TPSG1: variants seen among roughly 807,000 people sequenced by gnomAD.
TPSG1 encodes tryptase gamma.
In TPSG1, 43 loss-of-function variants were observed where a neutral mutation model predicts 23.8. The ratio of observed to expected loss-of-function variants is 1.81; its 90% CI spans 1.42 to 2.33. The LOEUF is 2.33. Among genes scored for constraint, TPSG1 ranks in the 30% most tolerant of loss-of-function variants. TPSG1 has a pLI of 0.00. For missense variants in TPSG1, 623 were observed against 438.6 expected, an observed-to-expected ratio of 1.42 and a Z score of -3.75; for synonymous variants, 302 against 201.3, an observed-to-expected ratio of 1.50 and a Z score of -4.23.
rs749237776 is a variant in TPSG1, at chr16:1,222,915, G to A, written c.248C>T (p.Ser83Phe). 7 of 1,593,924 alleles carry A rather than the reference G, an allele frequency of 4.4e-6. 1 individual carries two copies. The highest frequency in any genetic ancestry group is 2.2e-5 in the South Asian group (2 of 89,360). Reference sequence around the variant, plus strand: ...CACCTGGTAGTCGGATGAGTTCAGGGACCTGGGAGGGAAGGTGGCTGGGTG... The same window carrying A: ...CACCTGGTAGTCGGATGAGTTCAGGAACCTGGGAGGGAAGGTGGCTGGGTG... ...VLTAAHCFSG[S>F]LNSSDYQVHL... The change falls in exon 4 of 6, where the codon TCC (serine) becomes TTC (phenylalanine). Residue 83 changes from serine to phenylalanine, a missense_variant and splice_region_variant. Transcript: ENST00000234798.
chr16:1,223,858 G>C (rs2030003392), intron 2 of TPSG1: 1 of 507,426 alleles, frequency 2.0e-6, no homozygotes, highest in Non-Finnish European at 3.4e-6. Context: ...CGGTGGAAAG[G>C]CTGCAGAGGG....
At chr16:1,222,154 C>T in intron 5 of TPSG1, 42 bp downstream of exon 5, 1 of 1,611,540 alleles carries the variant, frequency 6.2e-7, no homozygotes, top group Non-Finnish European at 8.5e-7. Context: ...CCTCCCTGGG[C>T]TTCAGCCGCC....
rs764072304 is a variant in TPSG1, at chr16:1,223,524, T to C, written c.144A>G (p.Ala48=). 1.3e-5 allele frequency: 20 copies of C among 1,553,086 alleles called. No homozygotes were observed. In the South Asian group the frequency reaches 2.0e-4, roughly 16 times the overall value. The stretch of plus-strand genomic sequence containing the variant: ...GGCGGAGGCTGGCCTGCCATGGCCA[T>C]GCGCCGGCCGGGGCAGCGTGACCCC... ...IVGGHAAPAG[A]WPWQASLRLR... The change falls in exon 3 of 6, where the codon GCA becomes GCG. Residue 48 remains alanine, a synonymous_variant. Transcript: ENST00000234798.
intron 1 of TPSG1, among the ~76,000 whole-genome samples, chr16:1,224,928 C>T (rs1436176034): frequency 1.3e-5 from 2 of 152,134 alleles, no homozygotes; most frequent in African/African-American, 2.4e-5. Flanking sequence ...GCCTGGGACT[C>T]CTGGCACCCC....
In TPSG1 at chr16:1,222,079, A is replaced by AG. The variant is rs1301545101; in HGVS notation, c.674dup (p.Leu226SerfsTer19). ...AGGCACCGTTCACCTGGCAGACCAG[A>AG]GGCCCCCCGGAGTCGTCCTGAGGAC... On this transcript the variant is annotated frameshift_variant, in exon 6 of 6. Transcript: ENST00000234798. LOFTEE classifies it low-confidence loss of function (END_TRUNC). 6.2e-7 allele frequency: 1 copy of AG among 1,612,680 alleles called. No homozygotes were observed. Among genetic ancestry groups the AG allele is most frequent in the East Asian group, 2.2e-5 (1 of 44,882 alleles).
At position 1,221,846 on chromosome 16, in the gene TPSG1, A is replaced by G; in HGVS notation, c.908T>C (p.Leu303Pro). 3 of 1,611,964 alleles carry G rather than the reference A, an allele frequency of 1.9e-6. No individual in the cohort carries two copies. The highest frequency in any genetic ancestry group is 2.5e-6 in the Non-Finnish European group (3 of 1,179,572). The change falls in exon 6 of 6, where the codon CTG (leucine) becomes CCG (proline). Residue 303 changes from leucine to proline, a missense_variant. Coordinates refer to ENST00000234798, the MANE Select transcript of TPSG1 (RefSeq NM_012467.4). ...AGATGGGTGCAGCAGGCACTTGGCC[A>G]GCAGGACACAGGAGACTAGCAGAAG... The part of the protein sequence containing the change: ...LFLLLVSCVL[L>P]AKCLLHPSAD...
Position 1,222,854 on chromosome 16 carries a change from G to T in TPSG1, c.309C>A (p.His103Gln), listed in dbSNP as rs1436375901. The change falls in exon 4 of 6, where the codon CAC becomes CAA. Residue 103 changes from histidine (H) to glutamine (Q), a missense_variant. His to Gln is a conservative substitution (Grantham distance 24). Transcript: ENST00000234798. ...GGATGATCTGCCTCACGGTGGAGAA[G>T]TGGGGAGACAGAGTGATCTCCAGTT... is the stretch of plus-strand genomic sequence containing the variant. ...LGELEITLSP[H>Q]FSTVRQIILH... 2 of 1,611,116 alleles carry T rather than the reference G, an allele frequency of 1.2e-6. No individual in the cohort carries two copies. The highest frequency in any genetic ancestry group is 1.7e-6 in the Non-Finnish European group (2 of 1,179,386).
At chr16:1,224,757 C>A in intron 1 of TPSG1, 129 bp from the exon 2 acceptor site, 1 of 1,167,048 alleles carries the variant, frequency 8.6e-7, no homozygotes, top group Non-Finnish European at 1.2e-6. Context: ...AGGGGCCCGG[C>A]CTGGTGAGGC....
chr16:1,223,831 A>C (rs930841716), intron 2 of TPSG1: 160 of 501,808 alleles, frequency 3.2e-4, no homozygotes, highest in East Asian at 7.5e-4. Flanking sequence ...CCACAAACTA[A>C]CCAGGGCTCC....
At chr16:1,225,029 C>T (rs1001238054) in intron 1 of TPSG1, among the ~76,000 whole-genome samples, 178 bp downstream of exon 1, 3 of 152,124 alleles carry the variant, frequency 2.0e-5, no homozygotes, top group African/African-American at 7.2e-5. Context: ...CTCTCCCCAG[C>T]ACGGACAGCT....
At chr16:1,222,960 G>A in intron 3 of TPSG1, 43 bp from the exon 4 acceptor site, 1 of 1,559,514 alleles carries the variant, frequency 6.4e-7, no homozygotes, top group Non-Finnish European at 8.7e-7. Context: ...AGCTGCGGAG[G>A]CTGGAGGTCA....
At chr16:1,224,679 G>A (rs750783730) in intron 1 of TPSG1, 51 bp from the exon 2 acceptor site, 14 of 1,612,490 alleles carry the variant, frequency 8.7e-6, no homozygotes, top group Non-Finnish European at 1.1e-5. Flanking sequence ...AAGGAGAGGG[G>A]TGTGCGGGCT....
At chr16:1,224,531 G>C (rs940655808) in intron 2 of TPSG1, 71 bp downstream of exon 2, 7 of 1,599,750 alleles carry the variant, frequency 4.4e-6, no homozygotes, top group East Asian at 2.2e-5. Context: ...GGGAAGGAGA[G>C]GGTCACCGAG....
intron 4 of TPSG1, 87 bp from the exon 5 acceptor site, chr16:1,222,428 C>A: frequency 3.8e-6 from 5 of 1,311,844 alleles, no homozygotes; most frequent in Non-Finnish European, 5.3e-6. Context: ...ACACAAGTCC[C>A]ATGCCACCAC....
At chr16:1,223,737 A>C in intron 2 of TPSG1, 143 bp from the exon 3 acceptor site, 1 of 1,010,030 alleles carries the variant, frequency 9.9e-7, no homozygotes, top group Non-Finnish European at 1.4e-6. Context: ...CTCTCCCCAG[A>C]AGCATCGTGG....
intron 1 of TPSG1, 67 bp from the exon 2 acceptor site, chr16:1,224,695 G>A: frequency 2.5e-6 from 4 of 1,606,622 alleles, no homozygotes; most frequent in Admixed American, 1.7e-5. Context: ...GGGCTCCAGA[G>A]GCCCCTGCCA....
intron 4 of TPSG1, 29 bp downstream of exon 4, chr16:1,222,623 A>C (rs1339020786): frequency 7.2e-6 from 11 of 1,521,828 alleles, no homozygotes; most frequent in Non-Finnish European, 9.7e-6. Context: ...GCCTTCCTCC[A>C]TCCCAGCATC....
At chr16:1,223,671 ACCACACCTCCCTGCC>A in intron 2 of TPSG1, 77 bp from the exon 3 acceptor site, 1 of 1,470,320 alleles carries the variant, frequency 6.8e-7, no homozygotes, top group Admixed American at 2.6e-5. Flanking sequence ...GCCTTCCCTG[ACCACACCTCCCTGCC>A]TTCTTGGGGA....
chr16:1,224,944 CCCACCCGCACCCCCAACTA>C (rs1226434144), intron 1 of TPSG1, among the ~76,000 whole-genome samples: 2 of 151,398 alleles, frequency 1.3e-5, no homozygotes, highest in Non-Finnish European at 3.0e-5. Context: ...ACCCCCAACT[CCCACCCGCACCCCCAACTA>C]CCACCCGCCC....
Sources: gnomAD v4.1 joint callset for allele counts (sites outside exome capture counted in the v4.1 genomes callset) on GRCh38, gnomAD v4.1.1 for gene constraint, MANE v1.5 for transcripts, NCBI Gene and HGNC (gene_info 2026-07-23, HGNC 2026-07-21) for gene names.